CDC27: variants seen among roughly 807,000 people sequenced by gnomAD.
CDC27 encodes the protein cell division cycle protein 27 homolog.
Under a neutral mutation model 109.7 loss-of-function variants are expected in CDC27, and 27 were observed. That is an observed-to-expected ratio of 0.25 (90% CI 0.18 to 0.34). CDC27 has a LOEUF of 0.34. Ranked by LOEUF, CDC27 falls within the 10% of genes least tolerant of loss-of-function variation. The pLI, the probability that CDC27 is intolerant of heterozygous loss-of-function variation, is 1.00. For synonymous variants in CDC27, 266 were observed against 333.9 expected (o/e 0.80, Z 2.22); for missense variants, 579 against 960.2 (o/e 0.60, Z 5.25).
chr17:47,126,673 C>T (rs1012279365), intron 16 of CDC27, among the ~76,000 whole-genome samples: 7 of 152,034 alleles, frequency 4.6e-5, no homozygotes, highest in Admixed American at 3.9e-4. Context: ...TGAATAAAGT[C>T]CTTCATATCT....
intron 12 of CDC27, among the ~76,000 whole-genome samples, chr17:47,141,022 T>C (rs1429459386): frequency 6.6e-6 from 1 of 152,216 alleles, no homozygotes; most frequent in Non-Finnish European, 1.5e-5. Context: ...CCTGTTCTTA[T>C]ACATTTATTG....
intron 7 of CDC27, 178 bp from the exon 8 acceptor site, chr17:47,154,964 C>T: frequency 2.4e-6 from 1 of 409,840 alleles, no homozygotes; most frequent in Non-Finnish European, 4.3e-6. Context: ...CCCACCATAA[C>T]TAAAATTTTA....
Position 47,132,335 on chromosome 17 carries a change from G to C in CDC27, c.1953C>G (p.Phe651Leu). 6.2e-7 allele frequency: 1 copy of C among 1,603,534 alleles called. No homozygotes were observed. Among genetic ancestry groups the C allele is most frequent in the Non-Finnish European group, 8.5e-7 (1 of 1,173,040 alleles). Residue 651 changes from phenylalanine (F) to leucine (L), a missense_variant, in exon 15 of 19, where the codon TTC (phenylalanine) becomes TTG (leucine). Phe to Leu is a conservative substitution (Grantham distance 22). Transcript: ENST00000066544. The part of the protein sequence containing the change: ...LGMIYYKQEK[F>L]SLAEMHFQKA... ...TTTGGAAATGCATTTCTGCAAGGCT[G>C]AATTTTTCTTGCTTGTAATAAATCA...
At chr17:47,178,434 T>C (rs904479171) in intron 2 of CDC27, among the ~76,000 whole-genome samples, 5 of 149,584 alleles carry the variant, frequency 3.3e-5, no homozygotes, top group East Asian at 2.0e-4. Context: ...AGTAGGGAGG[T>C]TGAGGTGGGA....
rs557086462 is a variant in CDC27, at chr17:47,153,909, C to T, written c.957+763G>A. On this transcript the variant is annotated intron_variant, in intron 8 of 18. Transcript: ENST00000066544. ...ACCATCCCTGGCAACACAGTGAGATCCTGTCTCTACAAAAATAAAAGTTAA... is the reference window on the plus strand; with the variant it reads ...ACCATCCCTGGCAACACAGTGAGATTCTGTCTCTACAAAAATAAAAGTTAA... Among the ~76,000 whole-genome samples, 11 of 152,054 alleles carry T rather than the reference C, an allele frequency of 7.2e-5. No homozygotes were observed. In the South Asian group the frequency reaches 2.3e-3, roughly 32 times the overall value.
At chr17:47,126,334 G>A (rs1360831035) in intron 16 of CDC27, among the ~76,000 whole-genome samples, 1 of 151,994 alleles carries the variant, frequency 6.6e-6, no homozygotes, top group Non-Finnish European at 1.5e-5. Flanking sequence ...CAGCAAATTA[G>A]GCCTCATAAT....
At chr17:47,123,699 AC>A (rs2062047427) in intron 17 of CDC27, among the ~76,000 whole-genome samples, 186 bp downstream of exon 17, 1 of 152,130 alleles carries the variant, frequency 6.6e-6, no homozygotes, top group Non-Finnish European at 1.5e-5. Flanking sequence ...GGCGTGAGGC[AC>A]CATGCCTGGC....
intron 1 of CDC27, chr17:47,188,810 G>T: frequency 8.2e-7 from 1 of 1,219,430 alleles, no homozygotes; most frequent in African/African-American, 1.5e-5. Flanking sequence ...GCAAGAGAGC[G>T]CTTGGGGTGC....
At chr17:47,141,190 C>T (rs1358770736) in intron 12 of CDC27, among the ~76,000 whole-genome samples, 1 of 152,064 alleles carries the variant, frequency 6.6e-6, no homozygotes, top group Non-Finnish European at 1.5e-5. Flanking sequence ...AAAAACGAAT[C>T]ATATCAACTT....
chr17:47,154,691 G>T lies in CDC27; in HGVS notation c.938C>A (p.Thr313Asn). Residue 313 changes from threonine to asparagine, a missense_variant, in exon 8 of 19, where the codon ACC (threonine) becomes AAC (asparagine). By Grantham distance (65) the Thr-to-Asn change is moderately conservative (BLOSUM62 0). This residue lies in a region of CDC27 where 74 missense variants were observed against 148.9 expected (regional missense o/e 0.50). Coordinates refer to ENST00000066544, the MANE Select transcript of CDC27 (RefSeq NM_001256.6). Reference sequence around the variant, plus strand: ...AAATACCTTTTTTGAAGGGGCTCCGGTGGATGGCACATCAATTACAGGAGG... The same window carrying T: ...AAATACCTTTTTTGAAGGGGCTCCGTTGGATGGCACATCAATTACAGGAGG... The part of the protein sequence containing the change: ...NTPPVIDVPS[T>N]GAPSKKSVAR... The T allele has an allele frequency of 6.3e-7, 1 of 1,591,136 alleles. No homozygotes were observed. Among genetic ancestry groups the T allele is most frequent in the East Asian group, 2.2e-5 (1 of 44,540 alleles).
At chr17:47,179,212 G>A (rs2064131962) in intron 2 of CDC27, among the ~76,000 whole-genome samples, 1 of 152,188 alleles carries the variant, frequency 6.6e-6, no homozygotes, top group Admixed American at 6.5e-5. Context: ...AGATCCTACT[G>A]ATCAACTGCT....
chr17:47,181,281 A>C (rs991741890), intron 2 of CDC27: 1 of 161,132 alleles, frequency 6.2e-6, no homozygotes, highest in East Asian at 1.7e-4. Context: ...AAAAAAAAAA[A>C]AAAAACCCAA....
chr17:47,127,155 T>C (rs972675205), intron 16 of CDC27, among the ~76,000 whole-genome samples: 31 of 152,170 alleles, frequency 2.0e-4, no homozygotes, highest in Non-Finnish European at 2.5e-4. Context: ...TGGTGGCTTA[T>C]GCCTGTAGTC....
chr17:47,159,330 T>C lies in CDC27; in HGVS notation c.378-1027A>G, dbSNP rs180877710. The C allele has an allele frequency of 3.8e-4, 262 of 687,712 alleles. 3 individuals are homozygous for C. In the East Asian group the frequency reaches 7.4e-3, roughly 19 times the overall value. The allele number at this position is 687,712 out of a possible 1,614,324, so 42.6% of individuals were successfully genotyped here. On this transcript the variant is annotated intron_variant, in intron 4 of 18. Transcript: ENST00000066544. Reference sequence around the variant, plus strand: ...CCAGAGGTCCGGGGTCAGGTAGTTGTAGGTCTTAGAGATGGCATCAAAGGT... The same window carrying C: ...CCAGAGGTCCGGGGTCAGGTAGTTGCAGGTCTTAGAGATGGCATCAAAGGT...
At chr17:47,178,668 T>A (rs1386912373) in intron 2 of CDC27, among the ~76,000 whole-genome samples, 1 of 152,200 alleles carries the variant, frequency 6.6e-6, no homozygotes. Context: ...CATATTTTAC[T>A]GTATTTAGTC....
At chr17:47,183,964 A>G (rs2064336337) in intron 1 of CDC27, among the ~76,000 whole-genome samples, 1 of 152,340 alleles carries the variant, frequency 6.6e-6, no homozygotes, top group African/African-American at 2.4e-5. Context: ...TGATAAATAG[A>G]AGAATTATTT....
chr17:47,138,591 C>A lies in CDC27; in HGVS notation c.1704+148G>T, dbSNP rs11570539. 7.5e-4 allele frequency: 417 copies of A among 555,340 alleles called. 4 individuals carry two copies. The highest frequency in any genetic ancestry group is 7.1e-3 in the African/African-American group (363 of 51,414). 34.4% of individuals were successfully genotyped at this position (555,340 alleles called of 1,614,324 possible). A position where few individuals can be genotyped will look rare whatever the true frequency, so the allele number is the denominator to read the frequency against. On this transcript the variant is annotated intron_variant, in intron 13 of 18. Transcript: ENST00000066544. ...ACCACACATTCTAGGACTTTCTCTTCCTCTCTGAGTCCCTGACTAGAGAGA... is the reference window on the plus strand; with the variant it reads ...ACCACACATTCTAGGACTTTCTCTTACTCTCTGAGTCCCTGACTAGAGAGA...
intron 7 of CDC27, among the ~76,000 whole-genome samples, chr17:47,155,815 T>A (rs2063286687): frequency 6.6e-6 from 1 of 152,076 alleles, no homozygotes; most frequent in Non-Finnish European, 1.5e-5. Context: ...TAGCCAGGTG[T>A]GGTGGCATGT....
intron 2 of CDC27, among the ~76,000 whole-genome samples, chr17:47,179,880 G>T (rs900422984): frequency 6.6e-6 from 1 of 152,166 alleles, no homozygotes; most frequent in Non-Finnish European, 1.5e-5. Flanking sequence ...TCTAAACCAT[G>T]AATTTACAAT....
Sources: gnomAD v4.1 joint callset for allele counts (sites outside exome capture counted in the v4.1 genomes callset) on GRCh38, gnomAD v4.1.1 for gene constraint, gnomAD v4.1.1 regional missense constraint, MANE v1.5 for transcripts, NCBI Gene and HGNC (gene_info 2026-07-23, HGNC 2026-07-21) for gene names.